Variants in NPM1 observed in about 807,000 individuals in gnomAD.
The protein encoded by NPM1 is nucleophosmin 1, also known as nucleophosmin.
A neutral mutation model predicts 44.1 loss-of-function variants in NPM1; 1 was observed. That is an observed-to-expected ratio of 0.02 (90% CI 0.01 to 0.11). The LOEUF is 0.11. NPM1 is among the 10% of genes least tolerant of loss of function. The pLI is 1.00. For missense variants in NPM1, 197 were observed against 347.8 expected, an observed-to-expected ratio of 0.57 and a Z score of 3.45; for synonymous variants, 126 against 111.8, an observed-to-expected ratio of 1.13 and a Z score of -0.80.
At chr5:171,402,962 T>TC (rs757540390) in intron 8 of NPM1, among the ~76,000 whole-genome samples, 18 of 127,530 alleles carry the variant, frequency 1.4e-4, no homozygotes, top group Admixed American at 2.4e-4. Flanking sequence ...CTTTTTTTTT[T>TC]TTTTCATTTT....
Position 171,400,840 on chromosome 5 carries a change from C to T in NPM1, c.584C>T (p.Ser195Phe), listed in dbSNP as rs544573727. The T allele has an allele frequency of 4.5e-5, 72 of 1,600,020 alleles. 2 individuals are homozygous for T. In the South Asian group the frequency reaches 7.5e-4, roughly 17 times the overall value. The change falls in exon 8 of 11, where the codon TCT (serine) becomes TTT (phenylalanine). Residue 195 changes from serine to phenylalanine, a missense_variant and splice_region_variant. This residue lies in a region of NPM1 where 91 missense variants were observed against 94.0 expected (regional missense o/e 0.97). Coordinates refer to ENST00000296930, the MANE Select transcript of NPM1 (RefSeq NM_002520.7). The stretch of plus-strand genomic sequence containing the variant: ...ATTAAGATAAATTTCTAATTGCAGT[C>T]TATACGAGATACTCCAGCCAAAAAT... ...EAEEKAPVKK[S>F]IRDTPAKNAQ...
At chr5:171,389,992 CACTTA>C in intron 1 of NPM1, 54 bp from the exon 2 acceptor site, 1 of 1,048,886 alleles carries the variant, frequency 9.5e-7, no homozygotes, top group South Asian at 1.4e-5. Context: ...TGGTTACCCA[CACTTA>C]AGTTTCAGTG....
chr5:171,410,856 G>T lies in NPM1; in HGVS notation c.*291G>T. On this transcript the variant is annotated 3_prime_UTR_variant, in exon 11 of 11. Coordinates refer to ENST00000296930, the MANE Select transcript of NPM1 (RefSeq NM_002520.7). ...GGTGGGGAGACAAAAATATACATGT[G>T]AAATAAAACTCAGTATTTTAATAAA... 6.7e-6 allele frequency: 2 copies of T among 298,302 alleles called. No individual in the cohort carries two copies. The highest frequency in any genetic ancestry group is 1.2e-5 in the Non-Finnish European group (2 of 162,034). 18.5% of individuals were successfully genotyped at this position (298,302 alleles called of 1,614,324 possible). A position where few individuals can be genotyped will look rare whatever the true frequency, so the allele number is the denominator to read the frequency against.
At chr5:171,392,854 G>C (rs765258065) in intron 5 of NPM1, 38 bp downstream of exon 5, 1 of 1,613,150 alleles carries the variant, frequency 6.2e-7, no homozygotes, top group Non-Finnish European at 8.5e-7. Context: ...TTGTATTATA[G>C]CTTTTAGTTT....
At chr5:171,407,935 A>G (rs1461032735) in intron 10 of NPM1, among the ~76,000 whole-genome samples, 161 bp downstream of exon 10, 1 of 152,218 alleles carries the variant, frequency 6.6e-6, no homozygotes, top group Non-Finnish European at 1.5e-5. Flanking sequence ...ATTTAATGAA[A>G]TGCATGAAGA....
At position 171,391,778 on chromosome 5, in the gene NPM1, A is replaced by G. The variant is rs989977568; in HGVS notation, c.331A>G (p.Ile111Val). The change falls in exon 4 of 11, where the codon ATT (isoleucine) becomes GTT (valine). Residue 111 changes from isoleucine to valine, a missense_variant. Physicochemically the swap from Ile to Val is conservative, Grantham distance 29 (BLOSUM62 3). This residue lies in a region of NPM1 where 2 missense variants were observed against 21.4 expected (regional missense o/e 0.09). Coordinates refer to ENST00000296930, the MANE Select transcript of NPM1 (RefSeq NM_002520.7). ...RLKCGSGPVHISGQHLVAVEE... is the reference protein window; with the variant it reads ...RLKCGSGPVHVSGQHLVAVEE... ...GAAGTGTGGTTCAGGGCCAGTGCATATTAGTGGACAGCACTTAGTAGGTAT... is the reference window on the plus strand; with the variant it reads ...GAAGTGTGGTTCAGGGCCAGTGCATGTTAGTGGACAGCACTTAGTAGGTAT... The G allele has an allele frequency of 6.2e-6, 10 of 1,600,850 alleles. No homozygotes were observed. Among genetic ancestry groups the G allele is most frequent in the Non-Finnish European group, 8.6e-6 (10 of 1,169,094 alleles).
intron 6 of NPM1, among the ~76,000 whole-genome samples, chr5:171,396,967 CAA>C (rs889849752): frequency 5.3e-5 from 8 of 150,104 alleles, no homozygotes; most frequent in African/African-American, 2.0e-4. Context: ...GAGTAAAACT[CAA>C]AAAAAAATAG....
chr5:171,407,845 C>T, intron 10 of NPM1, 71 bp downstream of exon 10: 1 of 917,578 alleles, frequency 1.1e-6, no homozygotes, highest in Non-Finnish European at 1.8e-6. Flanking sequence ...TGCCTTTACC[C>T]TTTTTAAGTG....
intron 2 of NPM1, 162 bp from the exon 3 acceptor site, chr5:171,391,143 A>C: frequency 2.6e-6 from 2 of 781,176 alleles, no homozygotes; most frequent in Non-Finnish European, 4.0e-6. Context: ...GGTTTGTATA[A>C]GCACATTCTT....
chr5:171,393,916 C>T (rs1347790680), intron 6 of NPM1, among the ~76,000 whole-genome samples: 1 of 152,068 alleles, frequency 6.6e-6, no homozygotes, highest in African/African-American at 2.4e-5. Flanking sequence ...TCTCTTGAGG[C>T]CAGCCCGGTC....
chr5:171,403,612 C>A (rs1478609476), intron 8 of NPM1, among the ~76,000 whole-genome samples: 1 of 118,882 alleles, frequency 8.4e-6, no homozygotes, highest in East Asian at 2.6e-4. Flanking sequence ...ACCTCCCGGA[C>A]GGGGCGGCTG....
intron 7 of NPM1, among the ~76,000 whole-genome samples, chr5:171,400,425 A>C (rs1040283216): frequency 6.6e-6 from 1 of 151,008 alleles, no homozygotes; most frequent in East Asian, 1.9e-4. Flanking sequence ...AGTCTTGTGT[A>C]ACCTTTTGTC....
intron 6 of NPM1, 133 bp downstream of exon 6, chr5:171,393,111 A>AGGGCAGGT: frequency 2.6e-6 from 3 of 1,169,162 alleles, no homozygotes; most frequent in Non-Finnish European, 3.5e-6. Context: ...TTATAATAAA[A>AGGGCAGGT]GGGCAGGTGG....
At chr5:171,391,070 A>C in intron 2 of NPM1, 1 of 411,354 alleles carries the variant, frequency 2.4e-6, no homozygotes, top group Non-Finnish European at 4.4e-6. Flanking sequence ...TGCTTACAGT[A>C]TTCAGTACAG....
At chr5:171,403,956 G>T (rs1170414244) in intron 8 of NPM1, among the ~76,000 whole-genome samples, 2 of 82,172 alleles carry the variant, frequency 2.4e-5, no homozygotes, top group Admixed American at 1.1e-4. Context: ...TGGCCGGGTG[G>T]GGGGGCTGAC....
At chr5:171,389,239 C>T (rs1299216597) in intron 1 of NPM1, among the ~76,000 whole-genome samples, 1 of 152,166 alleles carries the variant, frequency 6.6e-6, no homozygotes, top group Non-Finnish European at 1.5e-5. Context: ...TTATCTTGTT[C>T]ATTATCCGTG....
intron 6 of NPM1, among the ~76,000 whole-genome samples, chr5:171,396,944 G>C (rs547154213): frequency 3.3e-5 from 5 of 152,150 alleles, no homozygotes; most frequent in South Asian, 4.1e-4. Flanking sequence ...TTGCATTCCA[G>C]ATTGGGCAAC....
At chr5:171,400,461 T>C (rs966211480) in intron 7 of NPM1, among the ~76,000 whole-genome samples, 10 of 47,228 alleles carry the variant, frequency 2.1e-4, no homozygotes, top group Admixed American at 6.4e-4. Context: ...TTTTCCTTCC[T>C]TTTTTTTTTT....
Position 171,391,506 on chromosome 5 carries a change from A to G in NPM1, c.258+82A>G, listed in dbSNP as rs1770577097. On this transcript the variant is annotated intron_variant, in intron 3 of 10. Transcript: ENST00000296930. ...AGGTTTGGTGTCATTTAGTTGTGCC[A>G]AGGAGATAGAAAGTGGTTCTTTATC... The G allele has an allele frequency of 2.6e-6, 4 of 1,542,864 alleles. No individual in the cohort carries two copies. The African/African-American group carries it at 4.1e-5, about 16-fold the overall frequency.
Sources: allele counts gnomAD v4.1 joint callset (sites outside exome capture counted in the v4.1 genomes callset), GRCh38; gene constraint gnomAD v4.1.1; regional missense constraint gnomAD v4.1.1; transcripts MANE v1.5; gene names NCBI Gene and HGNC (gene_info 2026-07-23, HGNC 2026-07-21).